PLEKHG1: variants seen among roughly 807,000 people sequenced by gnomAD.
PLEKHG1 encodes the protein pleckstrin homology and RhoGEF domain containing G1.
PLEKHG1 carries 44 observed loss-of-function variants against 100.8 expected under a neutral mutation model. The observed-to-expected ratio is 0.44, with a 90% confidence interval of 0.34 to 0.56. PLEKHG1 has a LOEUF of 0.56. PLEKHG1 is among the 20% of genes least tolerant of loss of function. The pLI is 0.01. For synonymous variants in PLEKHG1, 640 were observed against 662.5 expected (o/e 0.97, Z 0.52); for missense variants, 1,545 against 1,720.9 (o/e 0.90, Z 1.81).
intron 4 of PLEKHG1, among the ~76,000 whole-genome samples, chr6:150,790,263 G>T (rs1208485388): frequency 6.6e-6 from 1 of 152,160 alleles, no homozygotes; most frequent in Non-Finnish European, 1.5e-5. Context: ...CTGACCTCAG[G>T]TGATCCACCT....
intron 15 of PLEKHG1, among the ~76,000 whole-genome samples, chr6:150,837,548 T>C (rs751375584): frequency 6.6e-6 from 1 of 152,270 alleles, no homozygotes; most frequent in East Asian, 1.9e-4. Flanking sequence ...TTTAAAGTTC[T>C]ACTACATTTT....
chr6:150,655,445 A>T (rs1211171547), intron 3 of PLEKHG1, among the ~76,000 whole-genome samples: 1 of 152,188 alleles, frequency 6.6e-6, no homozygotes, highest in South Asian at 2.1e-4. Flanking sequence ...GCGGTGGCTC[A>T]CGCCTGCAAT....
intron 1 of PLEKHG1, among the ~76,000 whole-genome samples, chr6:150,733,095 A>C (rs527455197): frequency 6.6e-6 from 1 of 152,314 alleles, no homozygotes; most frequent in Admixed American, 6.5e-5. Flanking sequence ...AATACTTAAA[A>C]TCTAGATCAA....
At chr6:150,789,751 C>G (rs1299126549) in intron 4 of PLEKHG1, among the ~76,000 whole-genome samples, 5 of 152,122 alleles carry the variant, frequency 3.3e-5, no homozygotes, top group Non-Finnish European at 5.9e-5. Context: ...GCAAGAAACT[C>G]AAAAAGTATG....
exon 2 of PLEKHG1, chr6:150,733,900 C>T: frequency 6.2e-7 from 1 of 1,614,164 alleles, no homozygotes; most frequent in Non-Finnish European, 8.5e-7. Flanking sequence ...ACAACCCCGC[C>T]ACGGGGCAAC....
intron 10 of PLEKHG1, among the ~76,000 whole-genome samples, chr6:150,814,844 C>T (rs145421717): frequency 0.063 from 9,573 of 152,198 alleles, 435 homozygotes; most frequent in East Asian, 0.15. Context: ...CTCAGCCACC[C>T]GAGTAGCTGG....
intron 4 of PLEKHG1, among the ~76,000 whole-genome samples, chr6:150,788,891 GCA>G (rs1785798064): frequency 6.6e-6 from 1 of 151,988 alleles, no homozygotes; most frequent in African/African-American, 2.4e-5. Context: ...ACACACACAT[GCA>G]CACACACAAG....
intron 6 of PLEKHG1, among the ~76,000 whole-genome samples, chr6:150,804,159 A>C (rs746181063): frequency 0.1 from 3,116 of 30,654 alleles, 239 homozygotes; most frequent in East Asian, 0.41. Flanking sequence ...AATATTTTAT[A>C]TATATATATA....
intron 3 of PLEKHG1, among the ~76,000 whole-genome samples, chr6:150,705,149 G>A (rs1345833571): frequency 6.6e-6 from 1 of 152,172 alleles, no homozygotes; most frequent in African/African-American, 2.4e-5. Flanking sequence ...TTTAGGGTGT[G>A]TACTAACAAT....
At chr6:150,651,629 T>G (rs796725738) in intron 3 of PLEKHG1, among the ~76,000 whole-genome samples, 1 of 151,390 alleles carries the variant, frequency 6.6e-6, no homozygotes, top group Non-Finnish European at 1.5e-5. Flanking sequence ...GAGGCCAAGG[T>G]GGGCAGATCA....
At chr6:150,602,661 T>C (rs1269453134) in intron 1 of PLEKHG1, among the ~76,000 whole-genome samples, 1 of 152,150 alleles carries the variant, frequency 6.6e-6, no homozygotes, top group African/African-American at 2.4e-5. Flanking sequence ...TATGGTGTGC[T>C]TTGAAGATGA....
At chr6:150,795,388 T>G (rs1279897679) in intron 4 of PLEKHG1, among the ~76,000 whole-genome samples, 1 of 117,416 alleles carries the variant, frequency 8.5e-6, no homozygotes, top group East Asian at 2.9e-4. Flanking sequence ...AGAGCGAGAT[T>G]CCATCTCAAA....
At chr6:150,704,000 T>G (rs982427070) in intron 3 of PLEKHG1, among the ~76,000 whole-genome samples, 2 of 152,236 alleles carry the variant, frequency 1.3e-5, no homozygotes, top group African/African-American at 2.4e-5. Flanking sequence ...CCTTTCACTC[T>G]GGTGAAGATC....
At chr6:150,660,033 G>C (rs1310411806) in intron 3 of PLEKHG1, among the ~76,000 whole-genome samples, 1 of 151,722 alleles carries the variant, frequency 6.6e-6, no homozygotes, top group Non-Finnish European at 1.5e-5. Flanking sequence ...CCAGGAAGGT[G>C]TGTACATTGG....
chr6:150,804,734 G>A (rs370177473), exon 7 of PLEKHG1: 18 of 1,612,488 alleles, frequency 1.1e-5, no homozygotes, highest in South Asian at 4.4e-5. Flanking sequence ...CACGCGGTCC[G>A]GTTACAGGTG....
intron 2 of PLEKHG1, among the ~76,000 whole-genome samples, chr6:150,744,276 G>A (rs1455401387): frequency 6.6e-6 from 1 of 151,906 alleles, no homozygotes; most frequent in Non-Finnish European, 1.5e-5. Context: ...GGGTTTCACC[G>A]AGTTAGCCAG....
At chr6:150,714,336 CAAAG>C (rs1781345507) in intron 3 of PLEKHG1, among the ~76,000 whole-genome samples, 1 of 152,130 alleles carries the variant, frequency 6.6e-6, no homozygotes, top group African/African-American at 2.4e-5. Context: ...GTATCCTAAT[CAAAG>C]AAAGGAGTGA....
intron 12 of PLEKHG1, 139 bp downstream of exon 13, chr6:150,819,913 A>G: frequency 1.6e-6 from 1 of 632,272 alleles, no homozygotes; most frequent in Non-Finnish European, 2.9e-6. Context: ...CTGCCTTAAG[A>G]TGGGACTCAT....
At chr6:150,811,365 G>A (rs1297089393) in intron 10 of PLEKHG1, among the ~76,000 whole-genome samples, 1 of 151,902 alleles carries the variant, frequency 6.6e-6, no homozygotes, top group Non-Finnish European at 1.5e-5. Flanking sequence ...GACCTCCTGG[G>A]CTCAAGACAT....
Sources: gnomAD v4.1 joint callset for allele counts (sites outside exome capture counted in the v4.1 genomes callset) on GRCh38, gnomAD v4.1.1 for gene constraint, MANE v1.5 for transcripts, NCBI Gene and HGNC (gene_info 2026-07-23, HGNC 2026-07-21) for gene names.